GFRA1: variants seen among roughly 807,000 people sequenced by gnomAD.
GFRA1 encodes the protein GDNF family receptor alpha-1.
GFRA1 carries 16 observed loss-of-function variants against 51.6 expected under a neutral mutation model. The ratio of observed to expected loss-of-function variants is 0.31; its 90% CI spans 0.21 to 0.47. GFRA1 has a LOEUF of 0.47. GFRA1 is among the 20% of genes least tolerant of loss of function. The probability of loss-of-function intolerance (pLI) is 1.00; values close to 1 mark genes in which losing one functional copy is unlikely to be tolerated. For missense variants in GFRA1, 530 were observed against 594.3 expected (o/e 0.89, Z 1.13); for synonymous variants, 270 against 241.3 (o/e 1.12, Z -1.10).
chr10:116,212,554 ACACACACAC>A (rs1965277306), intron 4 of GFRA1, among the ~76,000 whole-genome samples: 1 of 151,112 alleles, frequency 6.6e-6, no homozygotes, highest in Non-Finnish European at 1.5e-5. Context: ...ACACACACAC[ACACACACAC>A]ACATCTAGTT....
chr10:116,128,059 G>C (rs999620970), intron 5 of GFRA1, among the ~76,000 whole-genome samples: 1 of 152,164 alleles, frequency 6.6e-6, no homozygotes, highest in South Asian at 2.1e-4. Flanking sequence ...AGTTCAAATG[G>C]AGAAAAATGC....
chr10:116,170,772 T>A (rs1366012627), intron 5 of GFRA1, among the ~76,000 whole-genome samples: 1 of 152,214 alleles, frequency 6.6e-6, no homozygotes, highest in East Asian at 1.9e-4. Context: ...TTCATAAAAG[T>A]GGGCTCAGAT....
chr10:116,160,928 G>A (rs1959706771), intron 5 of GFRA1, among the ~76,000 whole-genome samples: 1 of 152,158 alleles, frequency 6.6e-6, no homozygotes, highest in African/African-American at 2.4e-5. Context: ...TTAATTTACT[G>A]CTCAACTCCT....
intron 5 of GFRA1, among the ~76,000 whole-genome samples, chr10:116,174,103 T>G (rs916020478): frequency 2.0e-5 from 3 of 151,030 alleles, no homozygotes; most frequent in Non-Finnish European, 4.4e-5. Flanking sequence ...AGTCAGTGGC[T>G]AGGTCTGCCA....
intron 5 of GFRA1, among the ~76,000 whole-genome samples, chr10:116,174,845 G>A (rs374948411): frequency 6.6e-5 from 10 of 152,156 alleles, no homozygotes; most frequent in African/African-American, 9.6e-5. Flanking sequence ...CTCTCTCAAC[G>A]TTGAAAGCAA....
intron 5 of GFRA1, among the ~76,000 whole-genome samples, chr10:116,179,686 T>C (rs1233872873): frequency 6.6e-6 from 1 of 152,104 alleles, no homozygotes; most frequent in Non-Finnish European, 1.5e-5. Flanking sequence ...GAATGATAAA[T>C]GAGTTTTTGA....
chr10:116,177,461 A>G (rs1961741372), intron 5 of GFRA1, among the ~76,000 whole-genome samples: 2 of 152,190 alleles, frequency 1.3e-5, no homozygotes, highest in East Asian at 1.9e-4. Context: ...AGGGGTGCTC[A>G]TGAGCTTGGG....
At chr10:116,240,098 A>G (rs1209010157) in intron 4 of GFRA1, among the ~76,000 whole-genome samples, 3 of 152,152 alleles carry the variant, frequency 2.0e-5, no homozygotes, top group Admixed American at 2.0e-4. Context: ...TGCATTTTCA[A>G]ATTTCATATC....
chr10:116,081,437 A>C (rs1054045381), intron 9 of GFRA1, among the ~76,000 whole-genome samples: 1 of 152,244 alleles, frequency 6.6e-6, no homozygotes, highest in African/African-American at 2.4e-5. Context: ...ATAGCGATGA[A>C]AAATGTTACC....
intron 9 of GFRA1, among the ~76,000 whole-genome samples, chr10:116,076,354 A>G (rs1272091878): frequency 6.6e-6 from 1 of 152,152 alleles, no homozygotes; most frequent in Non-Finnish European, 1.5e-5. Context: ...ATTGTTCCCA[A>G]GGAACACCAA....
At position 116,241,558 on chromosome 10, in the gene GFRA1, G is replaced by A. The variant is rs184747871; in HGVS notation, c.418+27945C>T. On this transcript the variant is annotated intron_variant, in intron 4 of 10. Transcript: ENST00000355422. ...ACATATTGCCACATGATGCAGATGAGTTTGGGAATGGAAATAAAATGCACT... is the reference window on the plus strand; with the variant it reads ...ACATATTGCCACATGATGCAGATGAATTTGGGAATGGAAATAAAATGCACT... Among the ~76,000 whole-genome samples the A allele has an allele frequency of 4.6e-5, 7 of 152,332 alleles. No homozygotes were observed. In the East Asian group the frequency reaches 1.2e-3, roughly 25 times the overall value.
intron 6 of GFRA1, among the ~76,000 whole-genome samples, chr10:116,124,249 G>A (rs1381419927): frequency 7.0e-6 from 1 of 143,746 alleles, no homozygotes; most frequent in East Asian, 2.1e-4. Flanking sequence ...TTTTTTTTAA[G>A]ACAGATTTTC....
chr10:116,268,557 C>T (rs1969850138), intron 4 of GFRA1, among the ~76,000 whole-genome samples: 1 of 152,112 alleles, frequency 6.6e-6, no homozygotes, highest in Admixed American at 6.5e-5. Flanking sequence ...TTTATACACT[C>T]CCTTGATTCT....
intron 9 of GFRA1, among the ~76,000 whole-genome samples, chr10:116,084,931 ATAAG>A (rs146645268): frequency 0.13 from 19,816 of 152,024 alleles, 1,627 homozygotes; most frequent in East Asian, 0.41. Flanking sequence ...ACCATTTCAT[ATAAG>A]TAAGTCGAAG....
At chr10:116,205,819 C>A (rs1189937568) in intron 5 of GFRA1, among the ~76,000 whole-genome samples, 3 of 151,636 alleles carry the variant, frequency 2.0e-5, no homozygotes, top group Non-Finnish European at 4.4e-5. Flanking sequence ...AAGCTCCACC[C>A]CAAGGTCACC....
At chr10:116,171,576 A>G (rs1224933270) in intron 5 of GFRA1, among the ~76,000 whole-genome samples, 1 of 152,204 alleles carries the variant, frequency 6.6e-6, no homozygotes. Context: ...TCTCTGGTTT[A>G]TTAAAGTAAT....
rs762027540 is a variant in GFRA1 at position 116,211,661 on chromosome 10, A to G, written c.419-16T>C. On this transcript the variant is annotated splice_polypyrimidine_tract_variant and intron_variant, in intron 4 of 10. Transcript: ENST00000355422. ...TGAAAAACATCTGCCAAGAAAGAAG[A>G]AAAGTAGGGGAGGGGAGAGGGGAGA... is the stretch of plus-strand genomic sequence containing the variant. 4.5e-6 allele frequency: 7 copies of G among 1,548,372 alleles called. No individual in the cohort carries two copies. The highest frequency in any genetic ancestry group is 4.4e-6 in the Non-Finnish European group (5 of 1,144,132).
chr10:116,156,313 C>T (rs1022025173), intron 5 of GFRA1, among the ~76,000 whole-genome samples: 7 of 152,130 alleles, frequency 4.6e-5, no homozygotes, highest in Admixed American at 1.3e-4. Flanking sequence ...GAATTTCAAA[C>T]GAAGTTATGG....
chr10:116,165,692 C>CACACT, intron 5 of GFRA1, among the ~76,000 whole-genome samples: 1 of 152,130 alleles, frequency 6.6e-6, no homozygotes, highest in Middle Eastern at 3.4e-3. Context: ...CACACACTCA[C>CACACT]AAGAGAGAAA....
Sources: gnomAD v4.1 joint callset for allele counts (sites outside exome capture counted in the v4.1 genomes callset) on GRCh38, gnomAD v4.1.1 for gene constraint, MANE v1.5 for transcripts, NCBI Gene and HGNC (gene_info 2026-07-23, HGNC 2026-07-21) for gene names.